DARS1: variants seen among roughly 807,000 people sequenced by gnomAD.
The protein encoded by DARS1 is aspartyl-tRNA synthetase 1.
In DARS1, 51 loss-of-function variants were observed where a neutral mutation model predicts 68.8. That is an observed-to-expected ratio of 0.74 (90% CI 0.59 to 0.94). The LOEUF (loss-of-function observed/expected upper bound fraction) is 0.94, where lower values mean the gene tolerates loss of function less well. Ranked by LOEUF, DARS1 falls within the 40% of genes least tolerant of loss-of-function variation. DARS1 has a pLI of 0.00. For synonymous variants in DARS1, 203 were observed against 190.4 expected (o/e 1.07, Z -0.55); for missense variants, 607 against 597.3 (o/e 1.02, Z -0.17).
chr2:135,913,541 G>A (rs1558776549), intron 12 of DARS1, among the ~76,000 whole-genome samples: 1 of 152,122 alleles, frequency 6.6e-6, no homozygotes, highest in Non-Finnish European at 1.5e-5. Context: ...TGAATCACCT[G>A]AGGTCAGGAG....
At chr2:135,908,564 T>C (rs576389583) in intron 15 of DARS1, among the ~76,000 whole-genome samples, 2 of 152,248 alleles carry the variant, frequency 1.3e-5, no homozygotes, top group Non-Finnish European at 2.9e-5. Flanking sequence ...CTCTGCAACC[T>C]TGTCAGCATC....
chr2:135,953,243 A>G (rs183260075), intron 4 of DARS1, among the ~76,000 whole-genome samples: 16 of 152,354 alleles, frequency 1.1e-4, no homozygotes, highest in Admixed American at 5.9e-4. Context: ...GAGCAATTCT[A>G]GGAAAGGACT....
chr2:135,939,092 C>T (rs992518577), intron 5 of DARS1, among the ~76,000 whole-genome samples: 1 of 152,108 alleles, frequency 6.6e-6, no homozygotes, highest in Admixed American at 6.6e-5. Flanking sequence ...CAACATTAGG[C>T]AGATCAATGA....
chr2:135,958,039 G>A (rs1466213840), intron 4 of DARS1, among the ~76,000 whole-genome samples: 1 of 152,102 alleles, frequency 6.6e-6, no homozygotes, highest in African/African-American at 2.4e-5. Context: ...CTAGTAATGG[G>A]AAGAATACCT....
chr2:135,985,346 C>T (rs1470828913), intron 1 of DARS1, 57 bp downstream of exon 1: 23 of 1,585,242 alleles, frequency 1.5e-5, no homozygotes, highest in Non-Finnish European at 2.0e-5. Flanking sequence ...CTCCCTCCCT[C>T]GGCGCAGCCC....
At chr2:135,958,036 T>A (rs2104831034) in intron 4 of DARS1, among the ~76,000 whole-genome samples, 1 of 152,318 alleles carries the variant, frequency 6.6e-6, no homozygotes, top group Admixed American at 6.5e-5. Flanking sequence ...ATACTAGTAA[T>A]GGGAAGAATA....
intron 7 of DARS1, among the ~76,000 whole-genome samples, chr2:135,929,293 T>C (rs1446711198): frequency 2.0e-5 from 3 of 152,202 alleles, no homozygotes; most frequent in African/African-American, 7.2e-5. Context: ...ATCATTCTCA[T>C]GGCAGCCCCG....
chr2:135,965,619 A>G (rs1682211428), intron 3 of DARS1, among the ~76,000 whole-genome samples: 1 of 152,242 alleles, frequency 6.6e-6, no homozygotes, highest in Non-Finnish European at 1.5e-5. Context: ...CCGTTCCTTT[A>G]TAACTTGCTG....
chr2:135,985,635 C>A, upstream of DARS1: 1 of 1,437,890 alleles, frequency 7.0e-7, no homozygotes, highest in South Asian at 1.4e-5. Context: ...ATCGCGAGAG[C>A]TGCGGCTATC....
At chr2:135,982,505 A>C (rs774330812) in intron 2 of DARS1, among the ~76,000 whole-genome samples, 2 of 151,766 alleles carry the variant, frequency 1.3e-5, no homozygotes, top group African/African-American at 2.4e-5. Flanking sequence ...CTGAGGCAGG[A>C]GAATTGTAGG....
At chr2:135,940,518 T>C (rs1681572063) in intron 5 of DARS1, among the ~76,000 whole-genome samples, 1 of 152,164 alleles carries the variant, frequency 6.6e-6, no homozygotes, top group South Asian at 2.1e-4. Context: ...CTCAAAATAA[T>C]AAGAGCTATC....
intron 5 of DARS1, 72 bp downstream of exon 5, chr2:135,943,306 T>C (rs1575395226): frequency 3.2e-6 from 5 of 1,550,694 alleles, no homozygotes; most frequent in Admixed American, 4.0e-5. Context: ...TAAGAACATA[T>C]AAATTTGACA....
At chr2:135,985,659 G>T (rs915223931), upstream of DARS1, 1 of 1,393,000 alleles carries the variant, frequency 7.2e-7, no homozygotes, top group Non-Finnish European at 9.5e-7. Flanking sequence ...AGATCCCGGA[G>T]CGCTGGCGGC....
intron 5 of DARS1, among the ~76,000 whole-genome samples, chr2:135,939,282 A>G (rs2104815540): frequency 6.6e-6 from 1 of 152,346 alleles, no homozygotes; most frequent in Non-Finnish European, 1.5e-5. Flanking sequence ...CAGCAAATGT[A>G]AAAGAACAGA....
In DARS1 at chr2:135,924,468, G is replaced by A. The variant is rs1002653049; in HGVS notation, c.595C>T (p.Gln199Ter). ...CGGAAGAGATGGCAGATGCCAGACTGGAGACGGAAGACTGCCTGACTAGTT... is the reference window on the plus strand; with the variant it reads ...CGGAAGAGATGGCAGATGCCAGACTAGAGACGGAAGACTGCCTGACTAGTT... The part of the protein sequence containing the change: ...TSTSQAVFRL[Q>*]SGICHLFRET... Residue 199 changes from glutamine to a stop codon, truncating the protein, a stop_gained, in exon 8 of 16, where the codon CAG becomes TAG. Transcript: ENST00000264161. LOFTEE classifies it high-confidence loss of function. 2 of 1,608,992 alleles carry A rather than the reference G, an allele frequency of 1.2e-6. No homozygotes were observed. The highest frequency in any genetic ancestry group is 8.5e-7 in the Non-Finnish European group (1 of 1,178,646).
chr2:135,972,203 A>G (rs941109394), intron 3 of DARS1, among the ~76,000 whole-genome samples: 8 of 152,202 alleles, frequency 5.3e-5, no homozygotes, highest in African/African-American at 1.9e-4. Context: ...ATAGTAACCA[A>G]AAACAACTTG....
rs140253145 is a variant in DARS1, at chr2:135,982,506, G to A, written c.124+891C>T. ...AGCTGCTCAGGAGGCTGAGGCAGGA[G>A]AATTGTAGGAACTTGGGAGGCGGAA... On this transcript the variant is annotated intron_variant, in intron 2 of 15. Transcript: ENST00000264161. Among the ~76,000 whole-genome samples, 1,136 of 151,468 alleles carry A rather than the reference G, an allele frequency of 7.5e-3. 11 individuals are homozygous for A. Among genetic ancestry groups the A allele is most frequent in the African/African-American group, 0.026 (1,070 of 41,246 alleles).
At chr2:135,914,728 A>T (rs971181807) in intron 11 of DARS1, 19 of 461,550 alleles carry the variant, frequency 4.1e-5, no homozygotes, top group South Asian at 7.5e-5. Context: ...ATGCTGCTCA[A>T]ATATTTAATT....
At chr2:135,918,708 G>T (rs1014990958) in intron 10 of DARS1, among the ~76,000 whole-genome samples, 3 of 107,734 alleles carry the variant, frequency 2.8e-5, no homozygotes, top group Non-Finnish European at 4.1e-5. Flanking sequence ...TTATTTAATG[G>T]AGAAGCTATC....
Sources: gnomAD v4.1 joint callset for allele counts (sites outside exome capture counted in the v4.1 genomes callset) on GRCh38, gnomAD v4.1.1 for gene constraint, MANE v1.5 for transcripts, NCBI Gene and HGNC (gene_info 2026-07-23, HGNC 2026-07-21) for gene names.